PCDH15: variants seen among roughly 807,000 people sequenced by gnomAD.
The protein encoded by PCDH15 is protocadherin-15.
In PCDH15, 129 loss-of-function variants were observed where a neutral mutation model predicts 178.5. That is an observed-to-expected ratio of 0.72 (90% CI 0.63 to 0.84). PCDH15 has a LOEUF of 0.84. Ranked by LOEUF, PCDH15 falls within the 40% of genes least tolerant of loss-of-function variation. PCDH15 has a pLI of 0.00. For missense variants in PCDH15, 2,230 were observed against 2,099.9 expected (o/e 1.06, Z -1.21); for synonymous variants, 800 against 732.0 (o/e 1.09, Z -1.50).
chr10:54,911,563 A>G (rs1283547359), intron 2 of PCDH15, among the ~76,000 whole-genome samples: 1 of 152,208 alleles, frequency 6.6e-6, no homozygotes, highest in African/African-American at 2.4e-5. Flanking sequence ...ACTTTTTGCC[A>G]AATGTTTTCA....
At chr10:55,398,715 A>T (rs1376044598) in intron 2 of PCDH15, among the ~76,000 whole-genome samples, 2 of 152,068 alleles carry the variant, frequency 1.3e-5, no homozygotes, top group African/African-American at 2.4e-5. Flanking sequence ...GGCTCACTTA[A>T]TTGTTTACTA....
At chr10:53,836,841 T>A (rs899139911) in intron 29 of PCDH15, among the ~76,000 whole-genome samples, 1 of 152,224 alleles carries the variant, frequency 6.6e-6, no homozygotes, top group African/African-American at 2.4e-5. Flanking sequence ...ACAGGAACTC[T>A]GATTCAACTC....
At chr10:54,391,382 ATT>A (rs35939383) in intron 3 of PCDH15, among the ~76,000 whole-genome samples, 24 of 151,412 alleles carry the variant, frequency 1.6e-4, no homozygotes, top group East Asian at 1.6e-3. Context: ...ATTTTGAGTT[ATT>A]TTTTTTTTCT....
intron 23 of PCDH15, among the ~76,000 whole-genome samples, chr10:53,950,435 A>C (rs1181754944): frequency 2.0e-5 from 3 of 152,132 alleles, no homozygotes; most frequent in Admixed American, 2.0e-4. Context: ...TTCCATTTTT[A>C]AATAAAAAAC....
rs370822892 is a variant in PCDH15, at chr10:53,809,580, C to G, written c.4671+976G>C. On this transcript the variant is annotated intron_variant, in intron 37 of 37. Transcript: ENST00000644397. Reference sequence around the variant, plus strand: ...TGTGAAAATGCAATTGAAGTGTCAGCTTGGAGATAGCTATGGTATGACCTT... The same window carrying G: ...TGTGAAAATGCAATTGAAGTGTCAGGTTGGAGATAGCTATGGTATGACCTT... 13 of 1,591,422 alleles carry G rather than the reference C, an allele frequency of 8.2e-6. No homozygotes were observed. In the African/African-American group the frequency reaches 1.1e-4, roughly 13 times the overall value.
In PCDH15 at chr10:54,775,028, A is replaced by C. The variant is rs558124127; in HGVS notation, c.-29+25897T>G. On this transcript the variant is annotated intron_variant, in intron 1 of 37. Transcript: ENST00000644397. ...AAGACAATTAGACTGTTTTATATCA[A>C]TGTATTATTAAACTTGATTGCACTT... 4.6e-5 allele frequency among the ~76,000 whole-genome samples: 7 copies of C among 152,298 alleles called. 1 individual carries two copies. The South Asian group carries it at 1.4e-3, about 32-fold the overall frequency.
intron 2 of PCDH15, among the ~76,000 whole-genome samples, chr10:54,565,051 C>G (rs1414521178): frequency 1.3e-5 from 2 of 152,110 alleles, no homozygotes; most frequent in East Asian, 3.9e-4. Context: ...ATGCATTGAT[C>G]TAGCAAAATG....
At chr10:54,399,270 C>T (rs941802353) in intron 3 of PCDH15, among the ~76,000 whole-genome samples, 4 of 151,508 alleles carry the variant, frequency 2.6e-5, no homozygotes, top group African/African-American at 7.3e-5. Context: ...CAGTGTGTAA[C>T]ATTTATATGA....
At chr10:54,432,169 C>A (rs745870036) in intron 3 of PCDH15, among the ~76,000 whole-genome samples, 11 of 151,792 alleles carry the variant, frequency 7.2e-5, no homozygotes, top group Non-Finnish European at 1.2e-4. Context: ...AGATTCAATA[C>A]AATCTATATC....
chr10:53,831,214 T>C, intron 30 of PCDH15, 101 bp downstream of exon 30: 1 of 1,052,564 alleles, frequency 9.5e-7, no homozygotes. Flanking sequence ...TCAGAGTAGT[T>C]GCACCATCAA....
At chr10:55,311,758 A>T (rs977354989) in intron 1 of PCDH15, among the ~76,000 whole-genome samples, 1 of 152,146 alleles carries the variant, frequency 6.6e-6, no homozygotes, top group Non-Finnish European at 1.5e-5. Flanking sequence ...ACAAATCAAA[A>T]TGTAGACTTC....
At chr10:55,149,301 A>C (rs1249789015) in intron 2 of PCDH15, among the ~76,000 whole-genome samples, 1 of 151,972 alleles carries the variant, frequency 6.6e-6, no homozygotes, top group Non-Finnish European at 1.5e-5. Context: ...TTATTTAATA[A>C]TTTTTACATA....
intron 28 of PCDH15, among the ~76,000 whole-genome samples, chr10:53,847,337 T>C (rs1178362158): frequency 6.6e-6 from 1 of 152,090 alleles, no homozygotes; most frequent in Non-Finnish European, 1.5e-5. Flanking sequence ...CAAGTGCTTA[T>C]CAATATTTTT....
At chr10:54,973,485 A>C (rs903106545) in intron 2 of PCDH15, among the ~76,000 whole-genome samples, 3 of 152,208 alleles carry the variant, frequency 2.0e-5, no homozygotes, top group Admixed American at 6.5e-5. Context: ...TATTTTGTGC[A>C]GTTAGCTCTT....
At chr10:54,939,769 T>G (rs2131862179) in intron 2 of PCDH15, among the ~76,000 whole-genome samples, 1 of 152,260 alleles carries the variant, frequency 6.6e-6, no homozygotes. Flanking sequence ...AAGACTCACT[T>G]TATGATTCAG....
chr10:53,884,433 A>T (rs1174815367), intron 26 of PCDH15, among the ~76,000 whole-genome samples: 3 of 152,166 alleles, frequency 2.0e-5, no homozygotes, highest in African/African-American at 7.2e-5. Context: ...ATGACCCCAA[A>T]TCACACAGTT....
At chr10:55,177,981 T>C (rs1839541554) in intron 1 of PCDH15, among the ~76,000 whole-genome samples, 1 of 152,168 alleles carries the variant, frequency 6.6e-6, no homozygotes, top group South Asian at 2.1e-4. Context: ...CTAGTTCAGC[T>C]AATTGTCCTC....
intron 2 of PCDH15, among the ~76,000 whole-genome samples, chr10:55,551,848 T>G (rs1407596833): frequency 2.6e-5 from 4 of 151,780 alleles, no homozygotes; most frequent in African/African-American, 9.7e-5. Context: ...AATGTTGAAT[T>G]TGAGCTAAAT....
rs182709500 is a variant in PCDH15, at chr10:54,140,444, T to C, written c.1785-7437A>G. Among the ~76,000 whole-genome samples the C allele has an allele frequency of 3.0e-4, 45 of 152,014 alleles. No individual in the cohort carries two copies. In the East Asian group the frequency reaches 7.6e-3, roughly 26 times the overall value. ...CAAAGTTAATTGAGTAGAAGATAAATTGAGGGTTGGACTACTGTTTATTTC... is the reference window on the plus strand; with the variant it reads ...CAAAGTTAATTGAGTAGAAGATAAACTGAGGGTTGGACTACTGTTTATTTC... On this transcript the variant is annotated intron_variant, in intron 14 of 37. Coordinates refer to ENST00000644397, the MANE Select transcript of PCDH15 (RefSeq NM_001384140.1).
Sources: allele counts gnomAD v4.1 joint callset (sites outside exome capture counted in the v4.1 genomes callset), GRCh38; gene constraint gnomAD v4.1.1; transcripts MANE v1.5; gene names NCBI Gene and HGNC (gene_info 2026-07-23, HGNC 2026-07-21).